The following CUL4A variants were observed in gnomAD, a reference collection of about 807,000 sequenced individuals.
The protein encoded by CUL4A is cullin 4A.
In CUL4A, 16 loss-of-function variants were observed where a neutral mutation model predicts 95.5. That is an observed-to-expected ratio of 0.17 (90% CI 0.11 to 0.25). CUL4A has a LOEUF of 0.25. Among genes scored for constraint, CUL4A ranks in the 10% least tolerant of loss-of-function variants. CUL4A has a pLI of 1.00. For synonymous variants in CUL4A, 380 were observed against 353.1 expected (o/e 1.08, Z -0.85); for missense variants, 610 against 937.0 (o/e 0.65, Z 4.56).
chr13:113,208,422 G>A, upstream of CUL4A: 1 of 1,490,468 alleles, frequency 6.7e-7, no homozygotes. Flanking sequence ...AACTCGGGCC[G>A]CCTTCCCGAG....
upstream of CUL4A, chr13:113,208,422 GCCT>G: frequency 6.7e-7 from 1 of 1,490,472 alleles, no homozygotes; most frequent in South Asian, 1.3e-5. Context: ...AACTCGGGCC[GCCT>G]TCCCGAGTCC....
At chr13:113,209,395 G>C (rs993954089), upstream of CUL4A, 1 of 152,398 alleles carries the variant, frequency 6.6e-6, no homozygotes, top group African/African-American at 2.4e-5. Context: ...CGAGCCAGGA[G>C]GGGGTGTCCG....
At chr13:113,222,995 G>C (rs538885578) in intron 3 of CUL4A, among the ~76,000 whole-genome samples, 1 of 152,164 alleles carries the variant, frequency 6.6e-6, no homozygotes, top group Non-Finnish European at 1.5e-5. Flanking sequence ...TGTGGGAATC[G>C]AGGGGCGAGT....
chr13:113,231,992 G>A (rs945461068), intron 5 of CUL4A, among the ~76,000 whole-genome samples: 2 of 134,038 alleles, frequency 1.5e-5, no homozygotes, highest in East Asian at 2.2e-4. Context: ...ACCACCACCC[G>A]CCTACCACTG....
In CUL4A at chr13:113,265,722, A is replaced by G. The variant is rs559522205; in HGVS notation, c.*2140A>G. On this transcript the variant is annotated 3_prime_UTR_variant, in exon 20 of 20. Transcript: ENST00000375440. ...TGTTTTATAAAAGAAAGGAAAATCT[A>G]TTTATATCTATTCTCTTATTTAGCA... The G allele has an allele frequency of 6.6e-6, 1 of 152,204 alleles. No homozygotes were observed. The highest frequency in any genetic ancestry group is 6.5e-5 in the Admixed American group (1 of 15,274). The allele number at this position is 152,204 out of a possible 1,614,324, so 9.4% of individuals were successfully genotyped here.
intron 3 of CUL4A, among the ~76,000 whole-genome samples, chr13:113,222,016 G>T (rs983544179): frequency 1.3e-5 from 2 of 152,236 alleles, no homozygotes; most frequent in African/African-American, 2.4e-5. Context: ...AGTGGCAGGC[G>T]CTGTGGGATG....
At chr13:113,234,451 AGAC>A (rs1258964273) in intron 7 of CUL4A, among the ~76,000 whole-genome samples, 1 of 152,182 alleles carries the variant, frequency 6.6e-6, no homozygotes, top group Non-Finnish European at 1.5e-5. Flanking sequence ...CCTGCCCCAT[AGAC>A]TGTCACCCAA....
intron 2 of CUL4A, among the ~76,000 whole-genome samples, chr13:113,214,527 AAGAG>A (rs1207625711): frequency 2.6e-5 from 4 of 151,892 alleles, no homozygotes; most frequent in African/African-American, 7.3e-5. Context: ...TTTAAAAAAA[AAGAG>A]AGAGAGAGGT....
intron 5 of CUL4A, 80 bp downstream of exon 5, chr13:113,229,599 G>T: frequency 8.5e-7 from 1 of 1,176,860 alleles, no homozygotes; most frequent in Non-Finnish European, 1.2e-6. Flanking sequence ...CGCAGGCTAA[G>T]ATGGTAAAGT....
chr13:113,249,431 T>C (rs9549364), intron 15 of CUL4A, among the ~76,000 whole-genome samples: 31,363 of 152,144 alleles, frequency 0.21, 3,878 homozygotes, highest in South Asian at 0.42. Context: ...CATACATCAG[T>C]GCTTTATTCC....
intron 9 of CUL4A, among the ~76,000 whole-genome samples, chr13:113,238,199 G>A (rs982026088): frequency 6.6e-6 from 1 of 152,128 alleles, no homozygotes; most frequent in Non-Finnish European, 1.5e-5. Flanking sequence ...ACTTTGGGAG[G>A]CCAAAGTATC....
intron 19 of CUL4A, among the ~76,000 whole-genome samples, chr13:113,263,218 T>C (rs1002052932): frequency 6.6e-6 from 1 of 152,230 alleles, no homozygotes. Context: ...TTCACAAGTT[T>C]CACGTTTCCC....
rs922627300 is a variant in CUL4A at position 113,240,846 on chromosome 13, G to A, written c.1035+1295G>A. The stretch of plus-strand genomic sequence containing the variant: ...TGGGCCATGTGAAAAAGACGGGTGC[G>A]CTGCCATGTCAGTACCCCAGCTGAG... On this transcript the variant is annotated intron_variant, in intron 10 of 19. Coordinates refer to ENST00000375440, the MANE Select transcript of CUL4A (RefSeq NM_001008895.4). Among the ~76,000 whole-genome samples, 16 of 152,246 alleles carry A rather than the reference G, an allele frequency of 1.1e-4. 1 individual carries two copies. The South Asian group carries it at 2.5e-3, about 24-fold the overall frequency.
At chr13:113,258,553 A>G (rs1169637409) in intron 18 of CUL4A, among the ~76,000 whole-genome samples, 1 of 152,162 alleles carries the variant, frequency 6.6e-6, no homozygotes, top group African/African-American at 2.4e-5. Context: ...GCTAGTCATA[A>G]ATTTTCATTC....
At chr13:113,214,546 C>T (rs555751602) in intron 2 of CUL4A, among the ~76,000 whole-genome samples, 1 of 152,156 alleles carries the variant, frequency 6.6e-6, no homozygotes, top group South Asian at 2.1e-4. Flanking sequence ...AGAGGTGTGG[C>T]CTCCCTATGT....
At chr13:113,219,081 C>T in intron 3 of CUL4A, 33 bp downstream of exon 3, 1 of 1,371,312 alleles carries the variant, frequency 7.3e-7, no homozygotes, top group South Asian at 1.3e-5. Flanking sequence ...AGTTTCTATT[C>T]ATTATCTAAG....
chr13:113,241,472 G>A (rs1285731107), intron 10 of CUL4A, among the ~76,000 whole-genome samples: 3 of 149,664 alleles, frequency 2.0e-5, no homozygotes, highest in South Asian at 4.3e-4. Context: ...GCCACACACC[G>A]CCCCTCTCTG....
At position 113,266,916 on chromosome 13, in the gene CUL4A, T is replaced by C. The variant is rs915828339; in HGVS notation, c.*3334T>C. 1 of 152,232 alleles carries C rather than the reference T, an allele frequency of 6.6e-6. No individual in the cohort carries two copies. Among genetic ancestry groups the C allele is most frequent in the Non-Finnish European group, 1.5e-5 (1 of 68,040 alleles). 9.4% of individuals were successfully genotyped at this position (152,232 alleles called of 1,614,324 possible). ...ATTTATAGAGTATAAAGTGATCTTA[T>C]AAATTATGCATACATTGTGGACTAG... On this transcript the variant is annotated 3_prime_UTR_variant, in exon 20 of 20. Transcript: ENST00000375440.
intron 3 of CUL4A, among the ~76,000 whole-genome samples, chr13:113,223,521 C>G (rs1371898586): frequency 1.3e-5 from 2 of 152,154 alleles, no homozygotes; most frequent in Non-Finnish European, 2.9e-5. Context: ...TCTCAGCCTC[C>G]CGAGTAGCTG....
Sources: allele counts gnomAD v4.1 joint callset (sites outside exome capture counted in the v4.1 genomes callset), GRCh38; gene constraint gnomAD v4.1.1; transcripts MANE v1.5; gene names NCBI Gene and HGNC (gene_info 2026-07-23, HGNC 2026-07-21).